Variants in DLGAP2 observed in about 807,000 individuals in gnomAD.
DLGAP2 encodes the protein DLG associated protein 2, also known as disks large-associated protein 2.
Under a neutral mutation model 100.3 loss-of-function variants are expected in DLGAP2, and 26 were observed. That is an observed-to-expected ratio of 0.26 (90% CI 0.19 to 0.36). The LOEUF is 0.36. Among genes scored for constraint, DLGAP2 ranks in the 10% least tolerant of loss-of-function variants. DLGAP2 has a pLI of 1.00. For synonymous variants in DLGAP2, 886 were observed against 630.1 expected (o/e 1.41, Z -6.08); for missense variants, 1,858 against 1,453.2 (o/e 1.28, Z -4.53).
chr8:1,061,884 C>T (rs547972575), intron 2 of DLGAP2, among the ~76,000 whole-genome samples: 14 of 152,182 alleles, frequency 9.2e-5, no homozygotes, highest in Non-Finnish European at 1.6e-4. Context: ...CCCCTCCGAG[C>T]ACCCTGCCCA....
chr8:1,321,302 CTG>C (rs1455865763), intron 3 of DLGAP2, among the ~76,000 whole-genome samples: 4 of 151,512 alleles, frequency 2.6e-5, no homozygotes, highest in East Asian at 1.9e-4. Flanking sequence ...CTGTGTGCAT[CTG>C]TGTGTCTCTG....
intron 3 of DLGAP2, among the ~76,000 whole-genome samples, chr8:1,495,808 C>T (rs997327786): frequency 1.3e-5 from 2 of 152,266 alleles, no homozygotes; most frequent in Middle Eastern, 3.4e-3. Context: ...CGATGACGTG[C>T]GATTCACTAA....
chr8:1,661,664 G>A (rs1422216505), intron 8 of DLGAP2, among the ~76,000 whole-genome samples: 1 of 152,178 alleles, frequency 6.6e-6, no homozygotes, highest in East Asian at 1.9e-4. Context: ...GAGGTCTTTG[G>A]TCTCATTGTC....
At chr8:1,019,778 C>G (rs1801577450) in intron 2 of DLGAP2, 1 of 152,218 alleles carries the variant, frequency 6.6e-6, no homozygotes, top group African/African-American at 2.4e-5. Flanking sequence ...GACCTAGCAC[C>G]TATGTCAGAC....
chr8:1,668,069 G>A (rs1798590288), intron 8 of DLGAP2, among the ~76,000 whole-genome samples: 1 of 152,208 alleles, frequency 6.6e-6, no homozygotes, highest in Admixed American at 6.5e-5. Flanking sequence ...TGCCACGCCT[G>A]CGTGCTGTCC....
At chr8:1,514,107 T>C (rs1357847477) in intron 4 of DLGAP2, among the ~76,000 whole-genome samples, 1 of 152,228 alleles carries the variant, frequency 6.6e-6, no homozygotes, top group Admixed American at 6.5e-5. Flanking sequence ...GGTGGCGTCT[T>C]GTGGCCACAC....
chr8:1,515,680 CACACA>C (rs1032995148), intron 4 of DLGAP2, among the ~76,000 whole-genome samples: 47 of 151,050 alleles, frequency 3.1e-4, no homozygotes, highest in African/African-American at 1.1e-3. Context: ...CATGTTGACA[CACACA>C]ACATGCACAA....
intron 3 of DLGAP2, among the ~76,000 whole-genome samples, chr8:1,334,651 C>T (rs1801230889): frequency 1.3e-5 from 2 of 152,134 alleles, no homozygotes; most frequent in African/African-American, 4.8e-5. Flanking sequence ...GGTGGGATGA[C>T]CAGTGTGGCA....
chr8:1,631,718 C>T (rs567457389), intron 7 of DLGAP2, among the ~76,000 whole-genome samples: 2 of 152,326 alleles, frequency 1.3e-5, no homozygotes, highest in South Asian at 4.1e-4. Context: ...TTGCTCACCC[C>T]CTGCCTCTCC....
At chr8:1,683,856 A>ATATATATATATATATGTGTG (rs1467438870) in intron 12 of DLGAP2, among the ~76,000 whole-genome samples, 6 of 62,228 alleles carry the variant, frequency 9.6e-5, no homozygotes, top group African/African-American at 4.2e-4. Context: ...ATATATATAT[A>ATATATATATATATATGTGTG]TGTGTGTGTG....
At chr8:1,478,713 A>T (rs1799007104) in intron 3 of DLGAP2, among the ~76,000 whole-genome samples, 2 of 151,904 alleles carry the variant, frequency 1.3e-5, no homozygotes, top group African/African-American at 4.8e-5. Context: ...GGTCCGGGAC[A>T]TGGCATTTGG....
At chr8:1,145,655 C>T (rs1403884760) in intron 2 of DLGAP2, among the ~76,000 whole-genome samples, 3 of 151,726 alleles carry the variant, frequency 2.0e-5, no homozygotes, top group Admixed American at 1.3e-4. Context: ...GGTACATGTG[C>T]ACAATGTGCA....
At chr8:1,487,106 A>T (rs1177773243) in intron 3 of DLGAP2, among the ~76,000 whole-genome samples, 8 of 152,202 alleles carry the variant, frequency 5.3e-5, no homozygotes, top group Admixed American at 3.9e-4. Flanking sequence ...GCTGTGCTAA[A>T]ACCTTGTACT....
At chr8:1,339,341 G>A (rs1056428064) in intron 3 of DLGAP2, among the ~76,000 whole-genome samples, 2 of 124,742 alleles carry the variant, frequency 1.6e-5, no homozygotes, top group Non-Finnish European at 3.4e-5. Context: ...AGTGAGGCAT[G>A]AGGACCCGGG....
chr8:924,384 G>A (rs1164406812), intron 2 of DLGAP2, among the ~76,000 whole-genome samples: 2 of 152,094 alleles, frequency 1.3e-5, no homozygotes, highest in African/African-American at 2.4e-5. Context: ...TCGGAGCCCT[G>A]GGCTTGGACG....
chr8:1,671,691 C>A (rs947618293), intron 10 of DLGAP2, among the ~76,000 whole-genome samples: 1 of 152,236 alleles, frequency 6.6e-6, no homozygotes, highest in Non-Finnish European at 1.5e-5. Flanking sequence ...CCTCCTATGG[C>A]CCCCGTCCTC....
intron 2 of DLGAP2, among the ~76,000 whole-genome samples, chr8:931,413 G>A (rs2129003440): frequency 6.6e-6 from 1 of 152,368 alleles, no homozygotes; most frequent in South Asian, 2.1e-4. Flanking sequence ...AAAGCATCAG[G>A]AACATGTTCT....
intron 2 of DLGAP2, among the ~76,000 whole-genome samples, chr8:994,114 G>T (rs1281604768): frequency 1.3e-5 from 2 of 152,158 alleles, no homozygotes; most frequent in Non-Finnish European, 2.9e-5. Flanking sequence ...AATCGCCACT[G>T]CACTACAATG....
At chr8:1,374,119 G>C (rs1004603660) in intron 3 of DLGAP2, among the ~76,000 whole-genome samples, 1 of 149,460 alleles carries the variant, frequency 6.7e-6, no homozygotes, top group African/African-American at 2.5e-5. Flanking sequence ...GTGTGGTGGA[G>C]GTTAGGTTAG....
Sources: gnomAD v4.1 joint callset for allele counts (sites outside exome capture counted in the v4.1 genomes callset) on GRCh38, gnomAD v4.1.1 for gene constraint, MANE v1.5 for transcripts, NCBI Gene and HGNC (gene_info 2026-07-23, HGNC 2026-07-21) for gene names.